ALG12: variants seen among roughly 807,000 people sequenced by gnomAD.
ALG12 encodes the protein ALG12 alpha-1,6-mannosyltransferase.
In ALG12, 36 loss-of-function variants were observed where a neutral mutation model predicts 46.0. That is an observed-to-expected ratio of 0.78 (90% CI 0.60 to 1.03). ALG12 has a LOEUF of 1.03. Among genes scored for constraint, ALG12 ranks in the 50% least tolerant of loss-of-function variants. ALG12 has a pLI of 0.00. For synonymous variants in ALG12, 326 were observed against 291.6 expected (o/e 1.12, Z -1.20); for missense variants, 599 against 633.5 (o/e 0.95, Z 0.58).
In ALG12 at chr22:49,913,470, C is replaced by T; in HGVS notation, c.210G>A (p.Gly70=). ...TGGAGAACACTGCGATCACCACTGGCCCGAGGAACGTCCTGGGGACGACTC... is the reference window on the plus strand; with the variant it reads ...TGGAGAACACTGCGATCACCACTGGTCCGAGGAACGTCCTGGGGACGACTC... ...FPGVVPRTFL[G]PVVIAVFSSP... The change falls in exon 3 of 10, where the codon GGG becomes GGA. Residue 70 remains glycine (G), a synonymous_variant. Transcript: ENST00000330817. The T allele has an allele frequency of 1.2e-6, 2 of 1,613,988 alleles. No homozygotes were observed. Among genetic ancestry groups the T allele is most frequent in the Non-Finnish European group, 1.7e-6 (2 of 1,180,034 alleles).
Position 49,913,841 on chromosome 22 carries a change from A to G in ALG12, c.-76T>C, listed in dbSNP as rs546115000. The G allele has an allele frequency of 1.6e-4, 251 of 1,584,616 alleles. 3 individuals are homozygous for G. In the South Asian group the frequency reaches 2.5e-3, roughly 16 times the overall value. On this transcript the variant is annotated splice_region_variant and 5_prime_UTR_variant, in exon 2 of 10. The change abolishes an upstream ATG in the 5' untranslated region. Coordinates refer to ENST00000330817, the MANE Select transcript of ALG12 (RefSeq NM_024105.4). Reference sequence around the variant, plus strand: ...AGCCGTTAGCACTGCCACTCCACGCATGCTGGAAAAGTGGAAACAGATTCC... The same window carrying G: ...AGCCGTTAGCACTGCCACTCCACGCGTGCTGGAAAAGTGGAAACAGATTCC...
At chr22:49,911,067 G>A (rs1394152862) in intron 3 of ALG12, among the ~76,000 whole-genome samples, 1 of 152,228 alleles carries the variant, frequency 6.6e-6, no homozygotes, top group African/African-American at 2.4e-5. Flanking sequence ...TTTGACAGCA[G>A]GAGCCACCTC....
At chr22:49,913,074 A>G (rs2060588332) in intron 3 of ALG12, among the ~76,000 whole-genome samples, 1 of 152,246 alleles carries the variant, frequency 6.6e-6, no homozygotes, top group Non-Finnish European at 1.5e-5. Context: ...TGTTGACCCC[A>G]TGGGGGCTTG....
the ALG12 span, chr22:49,884,091 C>A: frequency 6.2e-7 from 1 of 1,612,674 alleles, no homozygotes. Context: ...TGAAGGAGTT[C>A]AGCAGAGGCA....
At chr22:49,912,832 A>G (rs1020057545) in intron 3 of ALG12, among the ~76,000 whole-genome samples, 1 of 152,140 alleles carries the variant, frequency 6.6e-6, no homozygotes, top group African/African-American at 2.4e-5. Context: ...GCACCACTGC[A>G]CTTCAGCCTA....
intron 7 of ALG12, 82 bp from the exon 8 acceptor site, chr22:49,904,588 A>T (rs984515110): frequency 6.7e-7 from 1 of 1,497,388 alleles, no homozygotes; most frequent in African/African-American, 1.4e-5. Context: ...CTAGGAGCAT[A>T]ACCTGCTGTT....
At position 49,904,266 on chromosome 22, in the gene ALG12, A is replaced by G; in HGVS notation, c.1163-12T>C. 6.2e-7 allele frequency: 1 copy of G among 1,614,040 alleles called. No homozygotes were observed. Among genetic ancestry groups the G allele is most frequent in the Admixed American group, 1.7e-5 (1 of 60,002 alleles). On this transcript the variant is annotated splice_polypyrimidine_tract_variant and intron_variant, in intron 8 of 9. Coordinates refer to ENST00000330817, the MANE Select transcript of ALG12 (RefSeq NM_024105.4). ...GTGCAGAAGGACGTCTAGGAAAACC[A>G]GGCCTGCCGTCAGAGCCCAGCCCTG...
the ALG12 span, chr22:49,886,909 G>A: frequency 1.9e-6 from 3 of 1,614,118 alleles, no homozygotes; most frequent in African/African-American, 1.3e-5. This position sits in a 1 kb window ranked among gnomAD's most constrained non-coding sequence, Gnocchi z 7.7. Context: ...GCTGCCTGAA[G>A]CCATGGTGCT....
At chr22:49,887,293 C>A in the ALG12 span, 1 of 1,131,082 alleles carries the variant, frequency 8.8e-7, no homozygotes, top group Non-Finnish European at 1.3e-6. Context: ...CAGGCACTCT[C>A]AGGGCCGCTC....
At chr22:49,913,346 G>A (rs1601826545) in intron 3 of ALG12, 39 bp downstream of exon 3, 1 of 1,612,428 alleles carries the variant, frequency 6.2e-7, no homozygotes. Context: ...TGACACCACA[G>A]TCCCTCACTC....
At chr22:49,870,411 C>T in the ALG12 span, among the ~76,000 whole-genome samples, 4 of 152,196 alleles carry the variant, frequency 2.6e-5, no homozygotes, top group East Asian at 3.8e-4. Flanking sequence ...CACTGCTCTC[C>T]GCAGTGGCTG....
chr22:49,878,816 G>C, the ALG12 span, among the ~76,000 whole-genome samples: 3 of 152,178 alleles, frequency 2.0e-5, no homozygotes, highest in Admixed American at 2.0e-4. Context: ...TGGCAAACAT[G>C]CTGAAACCTT....
the ALG12 span, among the ~76,000 whole-genome samples, chr22:49,868,862 A>G: frequency 1.3e-5 from 2 of 151,932 alleles, no homozygotes; most frequent in African/African-American, 4.8e-5. Flanking sequence ...CTGTAATCCC[A>G]GCACTTTGGG....
the ALG12 span, among the ~76,000 whole-genome samples, chr22:49,869,170 G>A: frequency 4.0e-5 from 6 of 151,756 alleles, no homozygotes; most frequent in East Asian, 1.9e-4. Context: ...GGGGATGCTC[G>A]GTCTTGTGAT....
chr22:49,908,051 T>C, intron 6 of ALG12, 107 bp from the exon 7 acceptor site: 2 of 1,157,694 alleles, frequency 1.7e-6, no homozygotes, highest in Non-Finnish European at 1.2e-6. Context: ...TGCTGAGAGA[T>C]GCAGCCTGGA....
chr22:49,875,418 C>CTTTTTTTTT, the ALG12 span, among the ~76,000 whole-genome samples: 1 of 145,174 alleles, frequency 6.9e-6, no homozygotes. Context: ...AATTTATTTT[C>CTTTTTTTTT]TTTTTTTTTT....
At chr22:49,887,083 A>T in the ALG12 span, 3 of 1,614,216 alleles carry the variant, frequency 1.9e-6, no homozygotes, top group Non-Finnish European at 2.5e-6. Context: ...ACCCACTGAG[A>T]ACGGTAGCCT....
At chr22:49,879,649 A>G in the ALG12 span, among the ~76,000 whole-genome samples, 3 of 99,434 alleles carry the variant, frequency 3.0e-5, no homozygotes, top group Admixed American at 2.3e-4. Flanking sequence ...GCGTGTTTCT[A>G]TTGGTTGGTT....
chr22:49,903,691 A>T lies in ALG12; in HGVS notation c.*147T>A. The stretch of plus-strand genomic sequence containing the variant: ...GCTGAGGCTGTGGAGGAGGCCCTGG[A>T]CCTGGTCTGGTGTCTGTCAGAGGCA... On this transcript the variant is annotated 3_prime_UTR_variant, in exon 10 of 10. Coordinates refer to ENST00000330817, the MANE Select transcript of ALG12 (RefSeq NM_024105.4). 2 of 916,040 alleles carry T rather than the reference A, an allele frequency of 2.2e-6. No homozygotes were observed. The highest frequency in any genetic ancestry group is 1.7e-6 in the Non-Finnish European group (1 of 577,586). 56.7% of individuals were successfully genotyped at this position (916,040 alleles called of 1,614,324 possible). A position where few individuals can be genotyped will look rare whatever the true frequency, so the allele number is the denominator to read the frequency against.
Sources: gnomAD v4.1 joint callset for allele counts (sites outside exome capture counted in the v4.1 genomes callset) on GRCh38, gnomAD v4.1.1 for gene constraint, Gnocchi (gnomAD v3.1) non-coding constraint, MANE v1.5 for transcripts, NCBI Gene and HGNC (gene_info 2026-07-23, HGNC 2026-07-21) for gene names.